The following PXDNL variants were observed in gnomAD, a reference collection of about 807,000 sequenced individuals.
The protein encoded by PXDNL is probable oxidoreductase PXDNL.
A neutral mutation model predicts 150.8 loss-of-function variants in PXDNL; 145 were observed. The ratio of observed to expected loss-of-function variants is 0.96; its 90% CI spans 0.84 to 1.10. The LOEUF is 1.10. Ranked by LOEUF, PXDNL falls within the 50% of genes least tolerant of loss-of-function variation. PXDNL has a pLI of 0.00. For synonymous variants in PXDNL, 757 were observed against 725.7 expected (o/e 1.04, Z -0.69); for missense variants, 2,087 against 1,873.9 (o/e 1.11, Z -2.10).
chr8:51,399,259 G>C (rs2130858775), intron 17 of PXDNL, among the ~76,000 whole-genome samples: 1 of 152,232 alleles, frequency 6.6e-6, no homozygotes, highest in African/African-American at 2.4e-5. Context: ...TGGAATCATA[G>C]GCCCACAAAA....
intron 3 of PXDNL, among the ~76,000 whole-genome samples, chr8:51,589,498 G>C (rs1813394918): frequency 6.6e-6 from 1 of 150,514 alleles, no homozygotes; most frequent in Non-Finnish European, 1.5e-5. Context: ...TGGCCAGAAT[G>C]TTGATAGAAA....
intron 2 of PXDNL, among the ~76,000 whole-genome samples, chr8:51,593,221 A>G (rs1563476303): frequency 6.6e-6 from 1 of 152,210 alleles, no homozygotes. Flanking sequence ...ACGATTTCTA[A>G]AAAATCCAGG....
intron 1 of PXDNL, among the ~76,000 whole-genome samples, chr8:51,764,399 A>T (rs2037202484): frequency 1.4e-5 from 2 of 144,784 alleles, no homozygotes; most frequent in Non-Finnish European, 1.5e-5. Flanking sequence ...TTTAAGTGAA[A>T]GTTTATTTAT....
At chr8:51,412,691 G>A (rs1306972662) in intron 15 of PXDNL, among the ~76,000 whole-genome samples, 2 of 152,146 alleles carry the variant, frequency 1.3e-5, no homozygotes, top group African/African-American at 2.4e-5. Flanking sequence ...AGAAGTTAAT[G>A]GGATTGGAAG....
chr8:51,414,226 A>T (rs538815342), intron 14 of PXDNL, among the ~76,000 whole-genome samples: 1 of 151,778 alleles, frequency 6.6e-6, no homozygotes, highest in Non-Finnish European at 1.5e-5. Flanking sequence ...TATTATATGT[A>T]TATATCTATA....
intron 12 of PXDNL, among the ~76,000 whole-genome samples, chr8:51,445,139 C>T (rs956979361): frequency 3.3e-5 from 5 of 152,034 alleles, no homozygotes; most frequent in Non-Finnish European, 5.9e-5. Context: ...AGGCTGGTCT[C>T]GAACACCTGA....
At chr8:51,569,232 T>G (rs1053856793) in intron 3 of PXDNL, among the ~76,000 whole-genome samples, 4 of 151,952 alleles carry the variant, frequency 2.6e-5, no homozygotes, top group African/African-American at 9.7e-5. Context: ...TACTGAAAGG[T>G]GACTTGCAGC....
chr8:51,372,459 A>ATG (rs1807153383), intron 18 of PXDNL, among the ~76,000 whole-genome samples: 5 of 152,186 alleles, frequency 3.3e-5, no homozygotes, highest in Non-Finnish European at 5.9e-5. Flanking sequence ...ATCTCAGCTC[A>ATG]CTGCAACCTC....
chr8:51,322,759 T>C (rs1805364118), intron 21 of PXDNL, among the ~76,000 whole-genome samples: 2 of 152,240 alleles, frequency 1.3e-5, no homozygotes, highest in African/African-American at 4.8e-5. Context: ...TGAAAGAATT[T>C]TGATTCTGTA....
chr8:51,486,774 ATATATATATATATATATATATTTTTTTTT>A (rs1810755236), intron 5 of PXDNL, among the ~76,000 whole-genome samples: 3 of 8,882 alleles, frequency 3.4e-4, no homozygotes, highest in African/African-American at 6.8e-4. Context: ...ATATATATAT[ATATATATATATATATATATATTTTTTTTT>A]TTTTTTTTTT....
chr8:51,808,597 C>G (rs187004868), intron 1 of PXDNL, among the ~76,000 whole-genome samples: 1 of 152,208 alleles, frequency 6.6e-6, no homozygotes, highest in Admixed American at 6.5e-5. Flanking sequence ...TCCTAGATGC[C>G]GATTAGTCTA....
At chr8:51,440,355 A>C (rs1809512194) in intron 12 of PXDNL, among the ~76,000 whole-genome samples, 1 of 151,948 alleles carries the variant, frequency 6.6e-6, no homozygotes, top group Non-Finnish European at 1.5e-5. Flanking sequence ...TGGGTGCACC[A>C]AAATCTCAGA....
At chr8:51,729,977 A>C (rs1338500330) in intron 1 of PXDNL, among the ~76,000 whole-genome samples, 1 of 152,178 alleles carries the variant, frequency 6.6e-6, no homozygotes, top group Non-Finnish European at 1.5e-5. Context: ...TTAGAAGAGA[A>C]GGGGGAAGGA....
At chr8:51,785,474 G>A (rs1563320809) in intron 1 of PXDNL, among the ~76,000 whole-genome samples, 1 of 152,226 alleles carries the variant, frequency 6.6e-6, no homozygotes, top group Non-Finnish European at 1.5e-5. Context: ...TGGCAACCCT[G>A]AGTGGAGCAA....
rs1184393887 is a variant in PXDNL at position 51,320,987 on chromosome 8, T to A, written c.4147-90A>T. 7 of 958,526 alleles carry A rather than the reference T, an allele frequency of 7.3e-6. No homozygotes were observed. The East Asian group carries it at 1.7e-4, about 23-fold the overall frequency. 59.4% of individuals were successfully genotyped at this position (958,526 alleles called of 1,614,324 possible). A position where few individuals can be genotyped will look rare whatever the true frequency, so the allele number is the denominator to read the frequency against. ...AACATGGTTTGATGAAATGCTCTAT[T>A]CTGTAAGCACACACCTAGAAGGCAA... On this transcript the variant is annotated intron_variant, in intron 21 of 22. Transcript: ENST00000356297.
chr8:51,659,567 G>A (rs530467961), intron 1 of PXDNL, among the ~76,000 whole-genome samples: 3 of 152,234 alleles, frequency 2.0e-5, no homozygotes, highest in South Asian at 2.1e-4. Context: ...AGCTCCACGC[G>A]AACTATCATA....
chr8:51,762,153 A>G (rs1048705865), intron 1 of PXDNL, among the ~76,000 whole-genome samples: 2 of 152,184 alleles, frequency 1.3e-5, no homozygotes, highest in African/African-American at 4.8e-5. Flanking sequence ...ATTCTTATCT[A>G]AGGGGCCTGG....
At chr8:51,494,305 G>A (rs992521862) in intron 5 of PXDNL, among the ~76,000 whole-genome samples, 4 of 151,678 alleles carry the variant, frequency 2.6e-5, no homozygotes, top group East Asian at 1.9e-4. Context: ...AGGAACAACC[G>A]GCACCACCCA....
At chr8:51,608,836 C>CAAAAAAAAAAAAAAAAAA in intron 2 of PXDNL, among the ~76,000 whole-genome samples, 1 of 59,596 alleles carries the variant, frequency 1.7e-5, no homozygotes, top group Non-Finnish European at 3.3e-5. Flanking sequence ...GACTCTGTCT[C>CAAAAAAAAAAAAAAAAAA]AAAAAAAAAA....
Sources: gnomAD v4.1 joint callset for allele counts (sites outside exome capture counted in the v4.1 genomes callset) on GRCh38, gnomAD v4.1.1 for gene constraint, MANE v1.5 for transcripts, NCBI Gene and HGNC (gene_info 2026-07-23, HGNC 2026-07-21) for gene names.